The following PCDHGB4 variants were observed in gnomAD, a reference collection of about 807,000 sequenced individuals.
The protein encoded by PCDHGB4 is protocadherin gamma subfamily B, 4.
A neutral mutation model predicts 60.5 loss-of-function variants in PCDHGB4; 38 were observed. That is an observed-to-expected ratio of 0.63 (90% CI 0.48 to 0.82). The LOEUF is 0.82. Ranked by LOEUF, PCDHGB4 falls within the 40% of genes least tolerant of loss-of-function variation. PCDHGB4 has a pLI of 0.00. For missense variants in PCDHGB4, 1,109 were observed against 1,209.6 expected (o/e 0.92, Z 1.23); for synonymous variants, 456 against 509.7 (o/e 0.89, Z 1.42).
At chr5:141,505,552 T>C (rs920594597) in intron 3 of PCDHGB4, 71 bp downstream of exon 3, 8 of 1,608,230 alleles carry the variant, frequency 5.0e-6, no homozygotes, top group Non-Finnish European at 6.8e-6. Context: ...ACAGCCACCA[T>C]GCCCACGGAC....
intron 1 of PCDHGB4, chr5:141,430,977 A>G (rs761722055): frequency 1.2e-5 from 20 of 1,613,408 alleles, no homozygotes; most frequent in Middle Eastern, 1.7e-4. Flanking sequence ...GGTAGGACGC[A>G]GCTTTTCGCC....
At position 141,489,244 on chromosome 5, in the gene PCDHGB4, G is replaced by C. The variant is rs145484133; in HGVS notation, c.2398-5563G>C. The C allele has an allele frequency of 3.3e-6, 5 of 1,534,936 alleles. No homozygotes were observed. Among genetic ancestry groups the C allele is most frequent in the African/African-American group, 1.4e-5 (1 of 72,374 alleles). On this transcript the variant is annotated intron_variant, in intron 1 of 3. Transcript: ENST00000519479. This position sits in a 1 kb window ranked among gnomAD's most constrained non-coding sequence, Gnocchi z 4.5. ...TCCACAAAGGGACTTCTGGGTCATGGGGCCCAAGACACTCCCACAGCTCGC... is the reference window on the plus strand; with the variant it reads ...TCCACAAAGGGACTTCTGGGTCATGCGGCCCAAGACACTCCCACAGCTCGC...
Position 141,486,656 on chromosome 5 carries a change from C to A in PCDHGB4, c.2398-8151C>A. 6.2e-7 allele frequency: 1 copy of A among 1,614,020 alleles called. No homozygotes were observed. Among genetic ancestry groups the A allele is most frequent in the Non-Finnish European group, 8.5e-7 (1 of 1,180,038 alleles). On this transcript the variant is annotated intron_variant, in intron 1 of 3. Transcript: ENST00000519479. This position sits in a 1 kb window ranked among gnomAD's most constrained non-coding sequence, Gnocchi z 5.0. ...GAATGCGCTTATCTCCTACTCACTCCTGGAGCCCAGGAATCGAGATGTATC... is the reference window on the plus strand; with the variant it reads ...GAATGCGCTTATCTCCTACTCACTCATGGAGCCCAGGAATCGAGATGTATC...
At position 141,431,203 on chromosome 5, in the gene PCDHGB4, T is replaced by C. The variant is rs139061906; in HGVS notation, c.2397+40922T>C. On this transcript the variant is annotated intron_variant, in intron 1 of 3. Coordinates refer to ENST00000519479, the MANE Select transcript of PCDHGB4 (RefSeq NM_003736.4). This position sits in a 1 kb window ranked among gnomAD's most constrained non-coding sequence, Gnocchi z 4.8. ...TAAAAATTAGTGAAAATGCAGCCACTGAGATGCGGTTCCCTCTACCCCACG... is the reference window on the plus strand; with the variant it reads ...TAAAAATTAGTGAAAATGCAGCCACCGAGATGCGGTTCCCTCTACCCCACG... The C allele has an allele frequency of 3.1e-6, 5 of 1,614,116 alleles. No individual in the cohort carries two copies. The highest frequency in any genetic ancestry group is 1.1e-5 in the South Asian group (1 of 91,090).
At chr5:141,417,940 C>G in intron 1 of PCDHGB4, 2 of 1,613,052 alleles carry the variant, frequency 1.2e-6, no homozygotes, top group Non-Finnish European at 1.7e-6. Context: ...TGTTCTACCC[C>G]ACGCTGTGTG....
At chr5:141,433,877 A>G (rs1481965040) in intron 1 of PCDHGB4, among the ~76,000 whole-genome samples, 5 of 151,470 alleles carry the variant, frequency 3.3e-5, no homozygotes, top group Admixed American at 6.6e-5. Context: ...AGTTTCATCC[A>G]TTGATGACAC....
intron 1 of PCDHGB4, chr5:141,415,818 A>G: frequency 2.3e-6 from 3 of 1,325,056 alleles, no homozygotes; most frequent in Middle Eastern, 2.8e-4. Context: ...CCTATATATC[A>G]TAAGGCTTTG....
chr5:141,427,287 A>G (rs1030754713), intron 1 of PCDHGB4: 2 of 456,716 alleles, frequency 4.4e-6, no homozygotes, highest in African/African-American at 4.0e-5. Flanking sequence ...TATACTAGAA[A>G]TCCTAGATGA....
At position 141,431,412 on chromosome 5, in the gene PCDHGB4, G is replaced by A. The variant is rs1458036274; in HGVS notation, c.2397+41131G>A. ...CTGGTCCTTACGGCCTCCGACGGGG[G>A]CGACCCGGTGCGCACAGGCACCGCG... On this transcript the variant is annotated intron_variant, in intron 1 of 3. Transcript: ENST00000519479. This position sits in a 1 kb window ranked among gnomAD's most constrained non-coding sequence, Gnocchi z 4.8. 1 of 1,613,596 alleles carries A rather than the reference G, an allele frequency of 6.2e-7. No homozygotes were observed. Among genetic ancestry groups the A allele is most frequent in the Non-Finnish European group, 8.5e-7 (1 of 1,180,058 alleles).
At position 141,431,274 on chromosome 5, in the gene PCDHGB4, TC is replaced by T. The variant is rs767658803; in HGVS notation, c.2397+40994del. On this transcript the variant is annotated intron_variant, in intron 1 of 3. Transcript: ENST00000519479. The surrounding 1 kb of genome is among the most constrained non-coding windows in gnomAD (Gnocchi z 4.8). ...AAGAACTCTCTGCAGAGCTACGAGC[TC>T]AGCCCGAACACTCACTTCTCCCTCA... 6 of 1,614,128 alleles carry T rather than the reference TC, an allele frequency of 3.7e-6. No homozygotes were observed. Among genetic ancestry groups the T allele is most frequent in the Non-Finnish European group, 5.1e-6 (6 of 1,180,024 alleles).
At chr5:141,498,679 C>G (rs1454800332) in intron 2 of PCDHGB4, among the ~76,000 whole-genome samples, 1 of 152,170 alleles carries the variant, frequency 6.6e-6, no homozygotes, top group Admixed American at 6.5e-5. Flanking sequence ...CGCCTGTAAT[C>G]CCAGCACTTT....
chr5:141,437,831 G>C (rs923199746), intron 1 of PCDHGB4, among the ~76,000 whole-genome samples: 16 of 151,256 alleles, frequency 1.1e-4, no homozygotes, highest in African/African-American at 3.4e-4. Flanking sequence ...TCTGCCTCCT[G>C]GGTTCATGCT....
In PCDHGB4 at chr5:141,427,737, G is replaced by C. The variant is rs1460682938; in HGVS notation, c.2397+37456G>C. 2.5e-6 allele frequency: 3 copies of C among 1,223,986 alleles called. No homozygotes were observed. The African/African-American group carries it at 4.4e-5, about 18-fold the overall frequency. 75.8% of individuals were successfully genotyped at this position (1,223,986 alleles called of 1,614,324 possible). A position where few individuals can be genotyped will look rare whatever the true frequency, so the allele number is the denominator to read the frequency against. On this transcript the variant is annotated intron_variant, in intron 1 of 3. Coordinates refer to ENST00000519479, the MANE Select transcript of PCDHGB4 (RefSeq NM_003736.4). The stretch of plus-strand genomic sequence containing the variant: ...CCTGGACCTAGGGCTGAATGGCCAA[G>C]TCTCCTACTCCATCGTTACCACTGA...
At chr5:141,414,334 A>C in intron 1 of PCDHGB4, 1 of 1,613,782 alleles carries the variant, frequency 6.2e-7, no homozygotes, top group Non-Finnish European at 8.5e-7. Flanking sequence ...TGGACAGGTA[A>C]CCTGTTCCAT....
chr5:141,393,137 C>T (rs777446564), intron 1 of PCDHGB4: 14 of 1,613,286 alleles, frequency 8.7e-6, no homozygotes, highest in South Asian at 2.2e-5. Context: ...ATATTAACAC[C>T]CTGGTTGAGG....
At chr5:141,478,574 C>T (rs2099465133) in intron 1 of PCDHGB4, 1 of 1,586,288 alleles carries the variant, frequency 6.3e-7, no homozygotes, top group Non-Finnish European at 8.6e-7. Flanking sequence ...ATGCTTGACC[C>T]TGTTAGTGCT....
chr5:141,399,540 C>A (rs775910113), intron 1 of PCDHGB4: 2 of 1,613,934 alleles, frequency 1.2e-6, no homozygotes, highest in Non-Finnish European at 1.7e-6. Context: ...CGCAAGTCTG[C>A]GCCTCGGACC....
At chr5:141,418,933 G>A in intron 1 of PCDHGB4, 2 of 1,614,010 alleles carry the variant, frequency 1.2e-6, no homozygotes, top group Non-Finnish European at 1.7e-6. Flanking sequence ...AGATTATGGA[G>A]GATTCCCCTC....
chr5:141,417,659 A>G, intron 1 of PCDHGB4: 1 of 869,514 alleles, frequency 1.2e-6, no homozygotes, highest in Non-Finnish European at 1.7e-6. Context: ...CTAGCCTGGG[A>G]TTCCCTGCGC....
Sources: allele counts gnomAD v4.1 joint callset (sites outside exome capture counted in the v4.1 genomes callset), GRCh38; gene constraint gnomAD v4.1.1; non-coding constraint Gnocchi (gnomAD v3.1); transcripts MANE v1.5; gene names NCBI Gene and HGNC (gene_info 2026-07-23, HGNC 2026-07-21).